The following NEK2 variants were observed in gnomAD, a reference collection of about 807,000 sequenced individuals.
NEK2 encodes serine/threonine-protein kinase Nek2.
In NEK2, 28 loss-of-function variants were observed where a neutral mutation model predicts 54.1. The observed-to-expected ratio is 0.52, with a 90% CI of 0.38 to 0.71. The LOEUF (loss-of-function observed/expected upper bound fraction) is 0.71, where lower values mean the gene tolerates loss of function less well. Among genes scored for constraint, NEK2 ranks in the 30% least tolerant of loss-of-function variants. The pLI is 0.00. For missense variants in NEK2, 407 were observed against 531.5 expected, an observed-to-expected ratio of 0.77 and a Z score of 2.30; for synonymous variants, 176 against 193.1, an observed-to-expected ratio of 0.91 and a Z score of 0.73.
At chr1:211,662,755 A>C (rs558927679), downstream of NEK2, 14 of 982,596 alleles carry the variant, frequency 1.4e-5, no homozygotes, top group African/African-American at 2.4e-4. The surrounding 1 kb of genome is among the most constrained non-coding windows in gnomAD (Gnocchi z 4.2). Flanking sequence ...GAGACCAACA[A>C]ATGCAAGACA....
At position 211,662,817 on chromosome 1, in the gene NEK2, G is replaced by A; in HGVS notation, c.*609C>T. On this transcript the variant is annotated 3_prime_UTR_variant, in exon 8 of 8. Coordinates refer to ENST00000366999, the MANE Select transcript of NEK2 (RefSeq NM_002497.4). The surrounding 1 kb of genome is among the most constrained non-coding windows in gnomAD (Gnocchi z 4.2). ...CTTTTATTTAGTGGGAAAGAAGTAG[G>A]TAAATGACAGACAGCTCATATTCTG... is the stretch of plus-strand genomic sequence containing the variant. The A allele has an allele frequency of 1.0e-6, 1 of 983,716 alleles. No individual in the cohort carries two copies. Among genetic ancestry groups the A allele is most frequent in the Non-Finnish European group, 1.2e-6 (1 of 828,776 alleles). The allele number at this position is 983,716 out of a possible 1,614,324, so 60.9% of individuals were successfully genotyped here.
chr1:211,671,204 T>G lies in NEK2; in HGVS notation c.636A>C (p.Leu212Phe). Residue 212 changes from leucine (L) to phenylalanine (F), a missense_variant and splice_region_variant, in exon 4 of 8, where the codon TTA becomes TTC. Coordinates refer to ENST00000366999, the MANE Select transcript of NEK2 (RefSeq NM_002497.4). ...GAATCTGTCTTCATCATACTTACAT[T>G]AATGCACATAACTCATACAGCAAGC... ...LGCLLYELCA[L>F]MPPFTAFSQK... The G allele has an allele frequency of 6.2e-7, 1 of 1,607,880 alleles. No homozygotes were observed. Among genetic ancestry groups the G allele is most frequent in the Non-Finnish European group, 8.5e-7 (1 of 1,174,622 alleles).
Position 211,663,198 on chromosome 1 carries a change from A to G in NEK2, c.*228T>C. The G allele has an allele frequency of 7.6e-7, 1 of 1,309,226 alleles. No homozygotes were observed. The allele number at this position is 1,309,226 out of a possible 1,614,324, so 81.1% of individuals were successfully genotyped here. A position where few individuals can be genotyped will look rare whatever the true frequency, so the allele number is the denominator to read the frequency against. ...CACAGGATTAAAAGCCCAACCAAGA[A>G]AGTATTCTTTTTATAATATGTTCTT... On this transcript the variant is annotated 3_prime_UTR_variant, in exon 8 of 8. Transcript: ENST00000366999.
In NEK2 at chr1:211,675,383, C is replaced by T. The variant is rs773611546; in HGVS notation, c.96+1G>A. 5.0e-6 allele frequency: 8 copies of T among 1,613,702 alleles called. No homozygotes were observed. The highest frequency in any genetic ancestry group is 6.8e-6 in the Non-Finnish European group (8 of 1,179,626). ...AGGCGCAGGGTAGGTCCCACGCTCACCTTGCCATCACTCTTCCTCCGGATC... is the reference window on the plus strand; with the variant it reads ...AGGCGCAGGGTAGGTCCCACGCTCATCTTGCCATCACTCTTCCTCCGGATC... On this transcript the variant is annotated splice_donor_variant, in intron 1 of 7. Transcript: ENST00000366999. LOFTEE classifies it high-confidence loss of function.
downstream of NEK2, among the ~76,000 whole-genome samples, chr1:211,661,548 C>CTA (rs1485518618): frequency 2.6e-5 from 4 of 152,132 alleles, no homozygotes; most frequent in East Asian, 7.7e-4. Flanking sequence ...TAGATAAGTT[C>CTA]TAGAATCTTC....
At chr1:211,675,611 GGGCCCCGTTTAACCGTCGC>G in exon 1 of NEK2, 1 of 683,042 alleles carries the variant, frequency 1.5e-6, no homozygotes, top group Non-Finnish European at 2.5e-6. Context: ...CCCCTGCCTT[GGGCCCCGTTTAACCGTCGC>G]GGGCCCTGAT....
rs764712596 is a variant in NEK2 at position 211,669,222 on chromosome 1, C to G, written c.876G>C (p.Glu292Asp). Reference sequence around the variant, plus strand: ...GGCTGGAATCCTGCGATTTTTCTGGCTCTCCTAATTGTCGCCCTCTTCTCT... The same window carrying G: ...GGCTGGAATCCTGCGATTTTTCTGGGTCTCCTAATTGTCGCCCTCTTCTCT... ...NLERRGRQLG[E>D]PEKSQDSSPV... is the part of the protein sequence containing the mutation. Residue 292 changes from glutamate to aspartate, a missense_variant, in exon 6 of 8, where the codon GAG (glutamate) becomes GAC (aspartate). By Grantham distance (45) the Glu-to-Asp change is conservative (BLOSUM62 2). Coordinates refer to ENST00000366999, the MANE Select transcript of NEK2 (RefSeq NM_002497.4). 1 of 1,613,906 alleles carries G rather than the reference C, an allele frequency of 6.2e-7. No individual in the cohort carries two copies. Among genetic ancestry groups the G allele is most frequent in the African/African-American group, 1.3e-5 (1 of 74,918 alleles).
chr1:211,667,307 C>T (rs1276016183), intron 6 of NEK2, 76 bp from the exon 7 acceptor site: 3 of 1,392,474 alleles, frequency 2.2e-6, no homozygotes, highest in Non-Finnish European at 2.9e-6. Context: ...ATTTGGCAAT[C>T]TTATCACTAC....
At chr1:211,668,887 T>C (rs934806645) in intron 6 of NEK2, among the ~76,000 whole-genome samples, 1 of 152,198 alleles carries the variant, frequency 6.6e-6, no homozygotes, top group Non-Finnish European at 1.5e-5. Context: ...TAAGGCCCAA[T>C]AATATATAAC....
At chr1:211,658,612 C>T, downstream of NEK2, 1 of 443,338 alleles carries the variant, frequency 2.3e-6, no homozygotes. Flanking sequence ...GACTCCATCA[C>T]AGGAGGCTGA....
At chr1:211,662,751 A>G (rs1655051355), downstream of NEK2, 4 of 981,308 alleles carry the variant, frequency 4.1e-6, no homozygotes, top group South Asian at 9.4e-5. The surrounding 1 kb of genome is among the most constrained non-coding windows in gnomAD (Gnocchi z 4.2). Context: ...CTAAGAGACC[A>G]ACAAATGCAA....
intron 4 of NEK2, among the ~76,000 whole-genome samples, chr1:211,670,948 G>A (rs1318458835): frequency 1.3e-5 from 2 of 152,190 alleles, no homozygotes; most frequent in African/African-American, 4.8e-5. Flanking sequence ...CTTGAGCTAA[G>A]TGTCAATCTA....
chr1:211,671,966 C>G (rs1655406925), intron 3 of NEK2, among the ~76,000 whole-genome samples: 2 of 152,266 alleles, frequency 1.3e-5, no homozygotes, highest in African/African-American at 4.8e-5. Flanking sequence ...TTCAAATTTC[C>G]CAAGAACCAC....
chr1:211,670,530 C>T, intron 4 of NEK2, 123 bp from the exon 5 acceptor site: 1 of 1,117,020 alleles, frequency 9.0e-7, no homozygotes, highest in South Asian at 1.6e-5. Flanking sequence ...GTTTCTACTT[C>T]TGGGATTTTC....
intron 3 of NEK2, among the ~76,000 whole-genome samples, chr1:211,671,807 C>A (rs1474873153): frequency 6.6e-6 from 1 of 152,214 alleles, no homozygotes; most frequent in East Asian, 1.9e-4. Context: ...CTATTCTCAA[C>A]AGAGGGAATA....
rs200051849 is a variant in NEK2 at position 211,675,470 on chromosome 1, G to A, written c.10C>T (p.Arg4Trp). 13 of 1,612,936 alleles carry A rather than the reference G, an allele frequency of 8.1e-6. No homozygotes were observed. In the African/African-American group the frequency reaches 1.7e-4, roughly 21 times the overall value. The change falls in exon 1 of 8, where the codon CGG becomes TGG. Residue 4 changes from arginine to tryptophan, a missense_variant. Physicochemically the swap from Arg to Trp is moderately radical, Grantham distance 101 (BLOSUM62 -3). Transcript: ENST00000366999. MPSRAEDYEVLYTI... is the reference protein window; with the variant it reads MPSWAEDYEVLYTI... ...TACAACACTTCATAGTCCTCAGCCC[G>A]GGAAGGCATGGCCGGCCAGTCGCCA... is the stretch of plus-strand genomic sequence containing the variant.
downstream of NEK2, chr1:211,660,438 C>G: frequency 1.4e-6 from 1 of 705,272 alleles, no homozygotes; most frequent in Non-Finnish European, 2.6e-6. Flanking sequence ...ATTGCAGACA[C>G]TGAACCACCA....
chr1:211,671,125 G>T, intron 4 of NEK2, 77 bp downstream of exon 4: 2 of 1,145,562 alleles, frequency 1.7e-6, no homozygotes, highest in Non-Finnish European at 2.6e-6. Flanking sequence ...TAGCACAGAG[G>T]CTCAAAAAAC....
At position 211,670,400 on chromosome 1, in the gene NEK2, A is replaced by G. The variant is rs1454110035; in HGVS notation, c.646T>C (p.Phe216Leu). 1.2e-6 allele frequency: 2 copies of G among 1,612,700 alleles called. No homozygotes were observed. Among genetic ancestry groups the G allele is most frequent in the Non-Finnish European group, 1.7e-6 (2 of 1,179,518 alleles). ...AGTTCTTTCTGGCTAAAAGCTGTAA[A>G]TGGAGGCCTAGGGTTAAAAAAGAAG... ...LYELCALMPP[F>L]TAFSQKELAG... Residue 216 changes from phenylalanine to leucine, a missense_variant, in exon 5 of 8, where the codon TTT becomes CTT. Phe to Leu is a conservative substitution (Grantham distance 22). Coordinates refer to ENST00000366999, the MANE Select transcript of NEK2 (RefSeq NM_002497.4).
Sources: allele counts gnomAD v4.1 joint callset (sites outside exome capture counted in the v4.1 genomes callset), GRCh38; gene constraint gnomAD v4.1.1; non-coding constraint Gnocchi (gnomAD v3.1); transcripts MANE v1.5; gene names NCBI Gene and HGNC (gene_info 2026-07-23, HGNC 2026-07-21).